The following KCNN2 variants were observed in gnomAD, a reference collection of about 807,000 sequenced individuals.
KCNN2 encodes small conductance calcium-activated potassium channel protein 2.
A neutral mutation model predicts 55.5 loss-of-function variants in KCNN2; 24 were observed. That is an observed-to-expected ratio of 0.43 (90% CI 0.31 to 0.61). The LOEUF (loss-of-function observed/expected upper bound fraction) is 0.61. Among genes scored for constraint, KCNN2 ranks in the 20% least tolerant of loss-of-function variants. The probability of loss-of-function intolerance (pLI) is 0.08; values close to 1 mark genes in which losing one functional copy is unlikely to be tolerated. For synonymous variants in KCNN2, 431 were observed against 336.1 expected (o/e 1.28, Z -3.09); for missense variants, 754 against 853.6 (o/e 0.88, Z 1.45).
At chr5:114,335,712 C>G (rs1306121360) in intron 2 of KCNN2, among the ~76,000 whole-genome samples, 2 of 151,938 alleles carry the variant, frequency 1.3e-5, no homozygotes, top group Non-Finnish European at 2.9e-5. Context: ...ATAAGCAGAA[C>G]AAACAGTAGA....
chr5:114,413,891 C>T (rs337712), intron 3 of KCNN2, among the ~76,000 whole-genome samples: 78,216 of 151,996 alleles, frequency 0.51, 22,280 homozygotes, highest in African/African-American at 0.77. Flanking sequence ...ATATATACAT[C>T]AGCAGCATGC....
chr5:114,425,501 T>A (rs919428644), intron 3 of KCNN2, among the ~76,000 whole-genome samples: 1 of 152,154 alleles, frequency 6.6e-6, no homozygotes, highest in Non-Finnish European at 1.5e-5. Context: ...TTTGCACACA[T>A]CCTCAATAAC....
At chr5:114,337,903 T>C (rs1312999008) in intron 2 of KCNN2, among the ~76,000 whole-genome samples, 1 of 152,206 alleles carries the variant, frequency 6.6e-6, no homozygotes, top group Non-Finnish European at 1.5e-5. Context: ...AAAACCATAA[T>C]GCTATATGTC....
chr5:114,334,457 A>G (rs36954), intron 2 of KCNN2, among the ~76,000 whole-genome samples: 142,366 of 152,100 alleles, frequency 0.94, 66,763 homozygotes, highest in East Asian at 1. Flanking sequence ...TACAAATGAA[A>G]AGTGTATATA....
chr5:114,393,207 T>G (rs943322638), intron 2 of KCNN2, among the ~76,000 whole-genome samples: 1 of 152,180 alleles, frequency 6.6e-6, no homozygotes, highest in South Asian at 2.1e-4. Context: ...AATAGAAGCA[T>G]TCAGTAAGTG....
intron 2 of KCNN2, among the ~76,000 whole-genome samples, chr5:114,238,403 A>G (rs1190748682): frequency 6.6e-6 from 1 of 151,936 alleles, no homozygotes; most frequent in African/African-American, 2.4e-5. Flanking sequence ...AGGCGGGTGG[A>G]TTGTCTGAGC....
At chr5:114,290,882 T>C (rs1755873418) in intron 2 of KCNN2, among the ~76,000 whole-genome samples, 1 of 152,162 alleles carries the variant, frequency 6.6e-6, no homozygotes, top group African/African-American at 2.4e-5. Context: ...AATTTCTACA[T>C]ATTTGTGAAC....
At chr5:114,288,017 C>T (rs1244454660) in intron 2 of KCNN2, among the ~76,000 whole-genome samples, 1 of 152,186 alleles carries the variant, frequency 6.6e-6, no homozygotes, top group East Asian at 1.9e-4. Context: ...TTGTTCTTCA[C>T]TATCCTCTTC....
intron 1 of KCNN2, among the ~76,000 whole-genome samples, chr5:114,198,622 C>T (rs1384525933): frequency 6.6e-6 from 1 of 151,858 alleles, no homozygotes; most frequent in Non-Finnish European, 1.5e-5. Context: ...GGTACATACC[C>T]AGTAGTTGGA....
In KCNN2 at chr5:114,364,013, CCTG is replaced by C. The variant is rs780986698; in HGVS notation, c.1218+16_1218+18del. The C allele has an allele frequency of 6.9e-6, 11 of 1,598,744 alleles. No homozygotes were observed. The East Asian group carries it at 1.8e-4, about 26-fold the overall frequency. On this transcript the variant is annotated intron_variant, in intron 2 of 7. Coordinates refer to ENST00000673685, the MANE Select transcript of KCNN2 (RefSeq NM_021614.4). ...CCAGGGAAATACAGGTAACTTAGGT[CCTG>C]CTGTTTATGAATGACCCAAAGCCCT...
At chr5:114,384,149 CT>C (rs373418035) in intron 2 of KCNN2, among the ~76,000 whole-genome samples, 74 of 152,244 alleles carry the variant, frequency 4.9e-4, no homozygotes, top group African/African-American at 1.7e-3. Flanking sequence ...AGTTGTACCA[CT>C]TTTTTCTGTC....
rs765284452 is a variant in KCNN2 at position 114,113,748 on chromosome 5, T to C, written c.-271+57248T>C. Among the ~76,000 whole-genome samples, 277 of 152,174 alleles carry C rather than the reference T, an allele frequency of 1.8e-3. 3 individuals carry two copies. The highest frequency in any genetic ancestry group is 4.1e-3 in the Admixed American group (62 of 15,270). On this transcript the variant is annotated intron_variant, in intron 1 of 10. Transcript: ENST00000512097. ...AATCTAATGGAAGATCCAGGTTATT[T>C]TAGTAAGGCTTGGTTGTGCAGGTTC...
At chr5:114,336,780 G>T (rs141894001) in intron 2 of KCNN2, among the ~76,000 whole-genome samples, 1 of 152,064 alleles carries the variant, frequency 6.6e-6, no homozygotes, top group African/African-American at 2.4e-5. Context: ...GACAGAAAGC[G>T]CTTTCCATGA....
chr5:114,396,004 G>C (rs572257204), intron 2 of KCNN2, among the ~76,000 whole-genome samples: 6 of 152,230 alleles, frequency 3.9e-5, no homozygotes, highest in African/African-American at 9.6e-5. Context: ...CCTGCACTTG[G>C]CATATATACT....
chr5:114,496,465 A>G lies in KCNN2; in HGVS notation c.*283A>G, dbSNP rs950118849. 3 of 263,204 alleles carry G rather than the reference A, an allele frequency of 1.1e-5. No individual in the cohort carries two copies. Among genetic ancestry groups the G allele is most frequent in the Non-Finnish European group, 2.1e-5 (3 of 140,504 alleles). The allele number at this position is 263,204 out of a possible 1,614,324, so 16.3% of individuals were successfully genotyped here. A position where few individuals can be genotyped will look rare whatever the true frequency, so the allele number is the denominator to read the frequency against. ...CAAACAAACTTTACTACTACATTAT[A>G]TGATATATAATAAAAAAAGTTAATT... On this transcript the variant is annotated 3_prime_UTR_variant, in exon 8 of 8. Coordinates refer to ENST00000673685, the MANE Select transcript of KCNN2 (RefSeq NM_021614.4).
chr5:114,350,986 A>G (rs1354510713), intron 2 of KCNN2, among the ~76,000 whole-genome samples: 7 of 151,792 alleles, frequency 4.6e-5, no homozygotes, highest in Non-Finnish European at 1.0e-4. Flanking sequence ...AATTTCTCCC[A>G]AACCCTATCA....
chr5:114,485,877 G>A (rs1178454725), intron 5 of KCNN2, among the ~76,000 whole-genome samples: 1 of 152,126 alleles, frequency 6.6e-6, no homozygotes, highest in Non-Finnish European at 1.5e-5. Context: ...TTGCTAAAGT[G>A]AAAAATATAA....
At chr5:114,056,603 C>T (rs1426350133) in intron 1 of KCNN2, 1 of 393,840 alleles carries the variant, frequency 2.5e-6, no homozygotes, top group African/African-American at 2.1e-5. Context: ...GGCTTTCACT[C>T]CTCCCCTCCC....
intron 2 of KCNN2, among the ~76,000 whole-genome samples, chr5:114,244,595 G>A (rs1434242869): frequency 6.6e-6 from 1 of 151,818 alleles, no homozygotes; most frequent in African/African-American, 2.4e-5. Context: ...AAAACTCTGG[G>A]GCGGGCATGG....
Sources: allele counts gnomAD v4.1 joint callset (sites outside exome capture counted in the v4.1 genomes callset), GRCh38; gene constraint gnomAD v4.1.1; transcripts MANE v1.5; gene names NCBI Gene and HGNC (gene_info 2026-07-23, HGNC 2026-07-21).